The following STPG2 variants were observed in gnomAD, a reference collection of about 807,000 sequenced individuals.
The protein encoded by STPG2 is sperm tail PG-rich repeat containing 2.
Under a neutral mutation model 54.2 loss-of-function variants are expected in STPG2, and 56 were observed. That is an observed-to-expected ratio of 1.03 (90% CI 0.83 to 1.29). STPG2 has a LOEUF of 1.29. Among genes scored for constraint, STPG2 ranks in the 50% most tolerant of loss-of-function variants. The probability of loss-of-function intolerance (pLI) is 0.00; values close to 1 mark genes in which losing one functional copy is unlikely to be tolerated. For synonymous variants in STPG2, 200 were observed against 181.8 expected, an observed-to-expected ratio of 1.10 and a Z score of -0.81; for missense variants, 596 against 544.9, an observed-to-expected ratio of 1.09 and a Z score of -0.93.
chr4:97,626,379 C>T (rs1451741126), intron 10 of STPG2, among the ~76,000 whole-genome samples: 3 of 152,168 alleles, frequency 2.0e-5, no homozygotes, highest in Non-Finnish European at 4.4e-5. Flanking sequence ...TTCTTCAAGG[C>T]TCAAATTATT....
intron 8 of STPG2, among the ~76,000 whole-genome samples, chr4:97,851,592 C>T (rs1352715868): frequency 6.6e-6 from 1 of 152,062 alleles, no homozygotes; most frequent in African/African-American, 2.4e-5. Context: ...TAAAGATGTT[C>T]CTGTTTCTAA....
intron 9 of STPG2, among the ~76,000 whole-genome samples, chr4:97,792,323 T>C (rs1030995614): frequency 2.0e-5 from 3 of 152,066 alleles, no homozygotes; most frequent in African/African-American, 7.2e-5. Flanking sequence ...TAATGGCAAA[T>C]CTCCCCTGCT....
chr4:97,566,151 TC>T (rs1381432113), intron 10 of STPG2, among the ~76,000 whole-genome samples: 1 of 152,092 alleles, frequency 6.6e-6, no homozygotes, highest in African/African-American at 2.4e-5. Flanking sequence ...CGGGTGCCTC[TC>T]CCCCAGCCTC....
At chr4:97,893,284 AG>A (rs572439144) in intron 8 of STPG2, 34 of 152,198 alleles carry the variant, frequency 2.2e-4, no homozygotes, top group South Asian at 1.2e-3. Context: ...CACAAAAAAA[AG>A]ATCCCAAAAA....
chr4:97,909,630 C>G (rs1170130008), intron 8 of STPG2, among the ~76,000 whole-genome samples: 1 of 152,078 alleles, frequency 6.6e-6, no homozygotes, highest in African/African-American at 2.4e-5. Context: ...TTATTCAACA[C>G]ATGCAAAAAT....
chr4:97,893,107 G>A (rs1226053432), intron 8 of STPG2: 4 of 151,986 alleles, frequency 2.6e-5, no homozygotes, highest in Non-Finnish European at 5.9e-5. Context: ...TTCCAGTTAG[G>A]GAGGGAAACT....
chr4:97,722,956 C>T (rs577580733), intron 9 of STPG2, among the ~76,000 whole-genome samples: 17 of 145,170 alleles, frequency 1.2e-4, no homozygotes, highest in Admixed American at 5.0e-4. Flanking sequence ...CACCACCACA[C>T]CCGGCTAATT....
chr4:98,128,284 G>T, intron 3 of STPG2, 144 bp downstream of exon 3: 1 of 699,660 alleles, frequency 1.4e-6, no homozygotes, highest in Non-Finnish European at 2.2e-6. Context: ...AAATTTGGGG[G>T]TCTATTTGTT....
At chr4:97,501,127 G>A (rs139665072) in intron 4 of STPG2, among the ~76,000 whole-genome samples, 211 of 152,086 alleles carry the variant, frequency 1.4e-3, no homozygotes, top group African/African-American at 4.8e-3. Context: ...CTGTGGATAC[G>A]TACAGGAAAG....
At chr4:98,022,683 A>G (rs1011348850) in intron 5 of STPG2, among the ~76,000 whole-genome samples, 1 of 152,166 alleles carries the variant, frequency 6.6e-6, no homozygotes, top group African/African-American at 2.4e-5. Context: ...GTCTTTTCAC[A>G]TAGTCCCATA....
At chr4:97,846,623 CAAAAAAA>C (rs540016952) in intron 8 of STPG2, among the ~76,000 whole-genome samples, 1 of 68,374 alleles carries the variant, frequency 1.5e-5, no homozygotes. Flanking sequence ...GACTCCACCT[CAAAAAAA>C]AAAAAAAAAA....
At chr4:97,727,864 TAAG>T (rs1353587484) in intron 9 of STPG2, among the ~76,000 whole-genome samples, 2 of 151,922 alleles carry the variant, frequency 1.3e-5, no homozygotes, top group Non-Finnish European at 2.9e-5. Flanking sequence ...TGATTCCAGT[TAAG>T]AAGCACAAAT....
chr4:97,798,007 T>C (rs541953089), intron 9 of STPG2, among the ~76,000 whole-genome samples: 1 of 152,336 alleles, frequency 6.6e-6, no homozygotes, highest in African/African-American at 2.4e-5. Context: ...GATGGTAGTT[T>C]GTATTTCTGT....
chr4:97,815,234 A>G (rs1578588470), intron 9 of STPG2, among the ~76,000 whole-genome samples: 1 of 152,072 alleles, frequency 6.6e-6, no homozygotes, highest in Admixed American at 6.6e-5. Context: ...GTGTGTGTGT[A>G]TGTGTGTGCA....
intron 4 of STPG2, among the ~76,000 whole-genome samples, chr4:97,541,968 A>G (rs1219992184): frequency 2.0e-5 from 3 of 152,230 alleles, no homozygotes; most frequent in Non-Finnish European, 2.9e-5. Flanking sequence ...ACAAAAATTA[A>G]TTCAAGATGG....
chr4:97,572,153 A>G (rs1732617354), intron 10 of STPG2, among the ~76,000 whole-genome samples: 1 of 152,156 alleles, frequency 6.6e-6, no homozygotes, highest in South Asian at 2.1e-4. Flanking sequence ...TGTTTACACA[A>G]TCACTTGTCT....
At chr4:97,863,596 T>C (rs1485542112) in intron 8 of STPG2, among the ~76,000 whole-genome samples, 2 of 152,186 alleles carry the variant, frequency 1.3e-5, no homozygotes, top group Non-Finnish European at 2.9e-5. Context: ...TAACTCATTT[T>C]ATGAGGCCAG....
intron 5 of STPG2, among the ~76,000 whole-genome samples, chr4:97,982,048 C>T (rs1734700276): frequency 6.6e-6 from 1 of 151,656 alleles, no homozygotes; most frequent in Admixed American, 6.6e-5. Context: ...CCATGCCCAG[C>T]TATTTTTTTG....
intron 10 of STPG2, among the ~76,000 whole-genome samples, chr4:97,654,144 T>A (rs1722153971): frequency 6.6e-6 from 1 of 152,042 alleles, no homozygotes; most frequent in South Asian, 2.1e-4. Context: ...TGGAACTCAA[T>A]AAAATGGTAC....
Sources: gnomAD v4.1 joint callset for allele counts (sites outside exome capture counted in the v4.1 genomes callset) on GRCh38, gnomAD v4.1.1 for gene constraint, MANE v1.5 for transcripts, NCBI Gene and HGNC (gene_info 2026-07-23, HGNC 2026-07-21) for gene names.